The following ELMO1 variants were observed in gnomAD, a reference collection of about 807,000 sequenced individuals.
ELMO1 encodes engulfment and cell motility protein 1.
A neutral mutation model predicts 98.9 loss-of-function variants in ELMO1; 26 were observed. The observed-to-expected ratio is 0.26, with a 90% CI of 0.19 to 0.36. ELMO1 has a LOEUF of 0.36. Among genes scored for constraint, ELMO1 ranks in the 10% least tolerant of loss-of-function variants. The pLI, the probability that ELMO1 is intolerant of heterozygous loss-of-function variation, is 1.00. For missense variants in ELMO1, 627 were observed against 935.2 expected, an observed-to-expected ratio of 0.67 and a Z score of 4.30; for synonymous variants, 346 against 346.0, an observed-to-expected ratio of 1.00 and a Z score of 0.00.
At chr7:37,373,474 T>C (rs868755813) in intron 1 of ELMO1, among the ~76,000 whole-genome samples, 2 of 152,104 alleles carry the variant, frequency 1.3e-5, no homozygotes, top group African/African-American at 4.8e-5. Context: ...CTGGGTGTGG[T>C]GGCACATGCC....
rs1270370609 is a variant in ELMO1 at position 37,406,608 on chromosome 7, T to A, written c.-74+42067A>T. On this transcript the variant is annotated intron_variant, in intron 1 of 21. Transcript: ENST00000310758. ...TCACGCCCGGATAATTTTTTTGTAT[T>A]TTTTTTTTTAGTAGAGACGGGGGAG... Among the ~76,000 whole-genome samples the A allele has an allele frequency of 2.0e-5, 3 of 147,892 alleles. No individual in the cohort carries two copies. In the East Asian group the frequency reaches 5.9e-4, roughly 29 times the overall value.
intron 16 of ELMO1, among the ~76,000 whole-genome samples, chr7:37,002,680 T>C (rs191980262): frequency 4.5e-4 from 68 of 152,284 alleles, no homozygotes; most frequent in African/African-American, 1.3e-3. Context: ...GTTGAAAGAA[T>C]GAATAGCATT....
chr7:37,086,705 T>C (rs1346172003), intron 15 of ELMO1, among the ~76,000 whole-genome samples: 2 of 122,308 alleles, frequency 1.6e-5, no homozygotes, highest in African/African-American at 3.4e-5. Flanking sequence ...ATCACACCAC[T>C]GCACTCCAGC....
chr7:36,950,795 G>T (rs1044925460), intron 16 of ELMO1, among the ~76,000 whole-genome samples: 1 of 152,164 alleles, frequency 6.6e-6, no homozygotes, highest in Non-Finnish European at 1.5e-5. Context: ...CTGAGGACTG[G>T]CCCATGAAGA....
intron 1 of ELMO1, among the ~76,000 whole-genome samples, chr7:37,400,855 C>T (rs748139314): frequency 1.3e-5 from 2 of 152,244 alleles, no homozygotes; most frequent in East Asian, 1.9e-4. Flanking sequence ...GAAGAAAAAA[C>T]AATTTTCTTC....
chr7:37,096,770 T>C (rs1302997886), intron 14 of ELMO1, 43 bp from the exon 15 acceptor site: 15 of 1,539,586 alleles, frequency 9.7e-6, no homozygotes, highest in Non-Finnish European at 1.3e-5. Context: ...AATTCAATTG[T>C]GGAAAACATC....
At position 37,271,809 on chromosome 7, in the gene ELMO1, G is replaced by A. The variant is rs1489862883; in HGVS notation, c.243+23C>T. ...ACGCAGAGCAAAGAGTTTGCTGGAA[G>A]TCAGAAGCTAAGATCAACTTACTGG... On this transcript the variant is annotated intron_variant, in intron 5 of 21. Transcript: ENST00000310758. The A allele has an allele frequency of 3.7e-6, 6 of 1,611,992 alleles. 1 individual carries two copies. The African/African-American group carries it at 4.0e-5, about 11-fold the overall frequency.
chr7:37,331,708 G>A (rs1018787644), intron 2 of ELMO1, among the ~76,000 whole-genome samples: 40 of 152,090 alleles, frequency 2.6e-4, no homozygotes, highest in Non-Finnish European at 4.9e-4. Flanking sequence ...AGAGAGGGTG[G>A]CAGCAGCAGA....
intron 4 of ELMO1, among the ~76,000 whole-genome samples, chr7:37,295,860 A>G (rs553984647): frequency 6.6e-5 from 10 of 152,338 alleles, no homozygotes; most frequent in Non-Finnish European, 1.0e-4. Context: ...TAAAAACTCA[A>G]TCTCTGATAT....
intron 14 of ELMO1, among the ~76,000 whole-genome samples, chr7:37,131,978 T>A (rs939419816): frequency 1.3e-5 from 2 of 152,142 alleles, no homozygotes; most frequent in Non-Finnish European, 2.9e-5. Context: ...GACGGTCCCA[T>A]AGATTACAGA....
intron 1 of ELMO1, among the ~76,000 whole-genome samples, chr7:37,420,640 C>A (rs1231868552): frequency 6.6e-6 from 1 of 152,184 alleles, no homozygotes; most frequent in South Asian, 2.1e-4. Flanking sequence ...GACACTGATG[C>A]CCCGTGTAAC....
chr7:37,195,491 C>G (rs939067640), intron 13 of ELMO1, among the ~76,000 whole-genome samples: 2 of 152,240 alleles, frequency 1.3e-5, no homozygotes, highest in Non-Finnish European at 1.5e-5. Context: ...GTGAGCCACT[C>G]AGATAGATGG....
intron 4 of ELMO1, among the ~76,000 whole-genome samples, chr7:37,286,903 T>G (rs909668793): frequency 5.3e-5 from 8 of 152,048 alleles, no homozygotes; most frequent in Admixed American, 2.0e-4. Flanking sequence ...ATTTTAAAAA[T>G]TGTATCATAG....
chr7:37,359,725 C>T (rs1017416807), intron 1 of ELMO1, among the ~76,000 whole-genome samples: 5 of 152,168 alleles, frequency 3.3e-5, no homozygotes, highest in African/African-American at 1.2e-4. Flanking sequence ...TAGAACAGTG[C>T]CCGGCACCGA....
At chr7:36,916,115 C>T (rs1446677388) in intron 16 of ELMO1, among the ~76,000 whole-genome samples, 1 of 152,256 alleles carries the variant, frequency 6.6e-6, no homozygotes, top group East Asian at 1.9e-4. Context: ...CAGTGGAAGG[C>T]GGCACCTGGA....
intron 6 of ELMO1, among the ~76,000 whole-genome samples, chr7:37,256,551 AAAGG>A (rs71873823): frequency 0.41 from 47,487 of 114,666 alleles, 11,329 homozygotes; most frequent in African/African-American, 0.65. Context: ...AAGAAGGAAG[AAAGG>A]AAGGAAGGAA....
chr7:37,436,836 G>A (rs1051893140), intron 1 of ELMO1, among the ~76,000 whole-genome samples: 5 of 152,224 alleles, frequency 3.3e-5, no homozygotes, highest in Admixed American at 6.5e-5. Flanking sequence ...GTAATTGAAC[G>A]TGCTGGGACA....
intron 4 of ELMO1, among the ~76,000 whole-genome samples, chr7:37,300,439 T>C (rs1798277650): frequency 1.4e-4 from 1 of 7,116 alleles, no homozygotes. Flanking sequence ...TTGAAATACG[T>C]CCCATCAATA....
At chr7:37,087,436 C>A (rs1312233642) in intron 15 of ELMO1, among the ~76,000 whole-genome samples, 1 of 151,426 alleles carries the variant, frequency 6.6e-6, no homozygotes. Flanking sequence ...CACTTTCTGG[C>A]AGATTTTTTT....
Sources: gnomAD v4.1 joint callset for allele counts (sites outside exome capture counted in the v4.1 genomes callset) on GRCh38, gnomAD v4.1.1 for gene constraint, MANE v1.5 for transcripts, NCBI Gene and HGNC (gene_info 2026-07-23, HGNC 2026-07-21) for gene names.